Variants in SLC35F4 observed in about 807,000 individuals in gnomAD.
The protein encoded by SLC35F4 is solute carrier family 35 member F4.
A neutral mutation model predicts 44.2 loss-of-function variants in SLC35F4; 24 were observed. That is an observed-to-expected ratio of 0.54 (90% CI 0.39 to 0.76). SLC35F4 has a LOEUF of 0.76. SLC35F4 is among the 30% of genes least tolerant of loss of function. The pLI, the probability that SLC35F4 is intolerant of heterozygous loss-of-function variation, is 0.00. For synonymous variants in SLC35F4, 238 were observed against 223.6 expected (o/e 1.06, Z -0.57); for missense variants, 562 against 586.1 (o/e 0.96, Z 0.42).
chr14:57,667,063 G>A (rs1417927288), intron 1 of SLC35F4, among the ~76,000 whole-genome samples: 1 of 151,658 alleles, frequency 6.6e-6, no homozygotes, highest in African/African-American at 2.4e-5. Context: ...GGCCTTCCGG[G>A]AAGAGAAGGT....
intron 1 of SLC35F4, among the ~76,000 whole-genome samples, chr14:57,803,130 G>A (rs1336133035): frequency 1.3e-5 from 2 of 152,008 alleles, no homozygotes; most frequent in Non-Finnish European, 2.9e-5. Context: ...TTCATCCCCA[G>A]GATTCAAGGT....
At chr14:57,839,319 T>C (rs1430760084) in intron 1 of SLC35F4, among the ~76,000 whole-genome samples, 1 of 152,230 alleles carries the variant, frequency 6.6e-6, no homozygotes, top group East Asian at 1.9e-4. Flanking sequence ...GCAGTGATTC[T>C]TGACCCGGCC....
At chr14:57,691,331 T>C (rs2075226080) in intron 1 of SLC35F4, among the ~76,000 whole-genome samples, 1 of 152,128 alleles carries the variant, frequency 6.6e-6, no homozygotes, top group Non-Finnish European at 1.5e-5. Context: ...TTTTATACAT[T>C]GAAGGTCAAA....
At chr14:57,678,951 A>G (rs1332930045) in intron 1 of SLC35F4, among the ~76,000 whole-genome samples, 3 of 152,096 alleles carry the variant, frequency 2.0e-5, no homozygotes, top group African/African-American at 7.3e-5. Flanking sequence ...CCCACTGTCA[A>G]TATTAGACAG....
chr14:57,566,595 A>G (rs1327125456), intron 6 of SLC35F4, 31 bp from the exon 7 acceptor site: 1 of 1,557,998 alleles, frequency 6.4e-7, no homozygotes, highest in East Asian at 2.4e-5. Context: ...TGCAAGATGA[A>G]AGAGAAATAA....
intron 1 of SLC35F4, among the ~76,000 whole-genome samples, chr14:57,858,377 G>T (rs922392373): frequency 2.0e-5 from 3 of 151,966 alleles, no homozygotes; most frequent in African/African-American, 7.3e-5. Flanking sequence ...CATGTCCTTT[G>T]TAGGGACATG....
At chr14:57,892,991 TA>T in intron 1 of SLC35F4, among the ~76,000 whole-genome samples, 1 of 152,296 alleles carries the variant, frequency 6.6e-6, no homozygotes, top group Admixed American at 6.5e-5. Flanking sequence ...ATTTCCTGCT[TA>T]AAAGAAAGCA....
At chr14:57,874,097 G>A (rs192348119) in intron 1 of SLC35F4, among the ~76,000 whole-genome samples, 2 of 152,292 alleles carry the variant, frequency 1.3e-5, no homozygotes, top group Admixed American at 6.5e-5. Context: ...GTGGAGCCAA[G>A]TGATAAGAAC....
At chr14:57,923,873 G>T (rs1405885578) in intron 1 of SLC35F4, among the ~76,000 whole-genome samples, 2 of 152,208 alleles carry the variant, frequency 1.3e-5, no homozygotes, top group Non-Finnish European at 2.9e-5. Context: ...ATATGGTTCG[G>T]CTGTGTCCCC....
intron 1 of SLC35F4, among the ~76,000 whole-genome samples, chr14:57,880,070 A>G (rs1318278718): frequency 1.7e-4 from 23 of 138,184 alleles, no homozygotes; most frequent in African/African-American, 5.8e-4. Context: ...GGAAGGAAGG[A>G]AGGAAGGAAG....
chr14:57,779,733 C>T (rs1379634982), intron 1 of SLC35F4, among the ~76,000 whole-genome samples: 5 of 152,148 alleles, frequency 3.3e-5, no homozygotes, highest in Admixed American at 1.3e-4. Flanking sequence ...GCTAATCCAC[C>T]ATGATCAAGT....
chr14:57,703,256 ATGTC>A (rs2075587509), intron 1 of SLC35F4, among the ~76,000 whole-genome samples: 1 of 152,188 alleles, frequency 6.6e-6, no homozygotes, highest in Admixed American at 6.5e-5. Flanking sequence ...ACATGCTTGA[ATGTC>A]TGTTCCCTCC....
chr14:57,792,327 C>G (rs1054197796), intron 1 of SLC35F4, among the ~76,000 whole-genome samples: 2 of 152,124 alleles, frequency 1.3e-5, no homozygotes, highest in African/African-American at 4.8e-5. Context: ...TAAACTAGTG[C>G]AGCCACTATG....
intron 1 of SLC35F4, among the ~76,000 whole-genome samples, chr14:57,753,276 G>T (rs1001286920): frequency 6.6e-6 from 1 of 152,178 alleles, no homozygotes; most frequent in Non-Finnish European, 1.5e-5. Flanking sequence ...CTCCAAAGGA[G>T]CTGCCATGTT....
At chr14:57,900,147 G>A (rs1242151306) in intron 1 of SLC35F4, among the ~76,000 whole-genome samples, 1 of 152,192 alleles carries the variant, frequency 6.6e-6, no homozygotes, top group East Asian at 1.9e-4. Flanking sequence ...ACAGAGCACT[G>A]TTTGGTGCAT....
At chr14:57,647,643 A>C (rs916175963) in intron 1 of SLC35F4, among the ~76,000 whole-genome samples, 20 of 152,166 alleles carry the variant, frequency 1.3e-4, no homozygotes, top group Non-Finnish European at 2.8e-4. Context: ...ATTGATATTG[A>C]AAAATATTCT....
intron 1 of SLC35F4, among the ~76,000 whole-genome samples, chr14:57,824,055 A>G (rs1883461617): frequency 6.6e-6 from 1 of 152,134 alleles, no homozygotes; most frequent in Non-Finnish European, 1.5e-5. Context: ...GCAATAATTG[A>G]TGGAACCTGA....
intron 1 of SLC35F4, among the ~76,000 whole-genome samples, chr14:57,795,564 C>T (rs895789352): frequency 6.6e-6 from 1 of 152,130 alleles, no homozygotes; most frequent in African/African-American, 2.4e-5. Flanking sequence ...CATGTTATAG[C>T]ATTATACATT....
intron 1 of SLC35F4, among the ~76,000 whole-genome samples, chr14:57,710,503 A>G (rs2140399848): frequency 6.6e-6 from 1 of 152,310 alleles, no homozygotes; most frequent in African/African-American, 2.4e-5. Context: ...AGCATCCTCC[A>G]GACCTCAGAA....
Sources: gnomAD v4.1 joint callset for allele counts (sites outside exome capture counted in the v4.1 genomes callset) on GRCh38, gnomAD v4.1.1 for gene constraint, MANE v1.5 for transcripts, NCBI Gene and HGNC (gene_info 2026-07-23, HGNC 2026-07-21) for gene names.